Variants in HMBOX1 observed in about 807,000 individuals in gnomAD.
HMBOX1 encodes homeobox containing 1.
HMBOX1 carries 14 observed loss-of-function variants against 54.5 expected under a neutral mutation model. The ratio of observed to expected loss-of-function variants is 0.26; its 90% CI spans 0.17 to 0.40. The LOEUF (loss-of-function observed/expected upper bound fraction) is 0.40, where lower values mean the gene tolerates loss of function less well. Ranked by LOEUF, HMBOX1 falls within the 10% of genes least tolerant of loss-of-function variation. The probability of loss-of-function intolerance (pLI) is 1.00; values close to 1 mark genes in which losing one functional copy is unlikely to be tolerated. For missense variants in HMBOX1, 332 were observed against 514.4 expected (o/e 0.65, Z 3.43); for synonymous variants, 160 against 181.0 (o/e 0.88, Z 0.93).
intron 5 of HMBOX1, among the ~76,000 whole-genome samples, chr8:29,013,018 AACT>A (rs1834406660): frequency 6.6e-6 from 1 of 152,236 alleles, no homozygotes; most frequent in African/African-American, 2.4e-5. Context: ...CAAAATGAAA[AACT>A]ACTTTTTCTT....
At chr8:28,927,159 A>G (rs2131855532) in intron 1 of HMBOX1, among the ~76,000 whole-genome samples, 1 of 145,236 alleles carries the variant, frequency 6.9e-6, no homozygotes, top group Non-Finnish European at 1.5e-5. Flanking sequence ...AATACAAAGG[A>G]TAAAATGCTT....
At chr8:28,936,545 A>T (rs554296449) in intron 1 of HMBOX1, among the ~76,000 whole-genome samples, 2 of 152,088 alleles carry the variant, frequency 1.3e-5, no homozygotes, top group African/African-American at 4.8e-5. Flanking sequence ...GTAATTATCC[A>T]CTGTGAGAAA....
At chr8:29,041,368 T>G (rs1240084813) in intron 6 of HMBOX1, among the ~76,000 whole-genome samples, 1 of 152,212 alleles carries the variant, frequency 6.6e-6, no homozygotes, top group Non-Finnish European at 1.5e-5. Context: ...GCAGTTCATT[T>G]ACTGTGAGAT....
intron 1 of HMBOX1, among the ~76,000 whole-genome samples, chr8:28,959,378 A>G (rs919163341): frequency 6.6e-6 from 1 of 152,164 alleles, no homozygotes; most frequent in African/African-American, 2.4e-5. Flanking sequence ...GGATGCCCTG[A>G]AGGAGGAGCA....
chr8:28,970,944 G>A lies in HMBOX1; in HGVS notation c.500+425G>A, dbSNP rs1827276683. On this transcript the variant is annotated intron_variant, in intron 3 of 9. Coordinates refer to ENST00000287701, the MANE Select transcript of HMBOX1 (RefSeq NM_001135726.3). This position sits in a 1 kb window ranked among gnomAD's most constrained non-coding sequence, Gnocchi z 4.3. The stretch of plus-strand genomic sequence containing the variant: ...CATTCCAATCAAGAAAATAATTTGG[G>A]GTACCTATTATATAGGTTCTAATTT... 6.8e-6 allele frequency among the ~76,000 whole-genome samples: 1 copy of A among 147,320 alleles called. No homozygotes were observed. The highest frequency in any genetic ancestry group is 1.5e-5 in the Non-Finnish European group (1 of 67,220).
intron 1 of HMBOX1, among the ~76,000 whole-genome samples, chr8:28,945,153 T>G (rs530280799): frequency 6.6e-6 from 1 of 152,358 alleles, no homozygotes; most frequent in Non-Finnish European, 1.5e-5. Flanking sequence ...AGGTTAATGC[T>G]TCAAACTTTC....
At chr8:28,941,082 C>T (rs191421184) in intron 1 of HMBOX1, among the ~76,000 whole-genome samples, 44 of 152,214 alleles carry the variant, frequency 2.9e-4, no homozygotes, top group Admixed American at 2.7e-3. Context: ...TTGTGAAAAG[C>T]ATGTAAAGAA....
At chr8:28,906,029 A>G (rs986513933) in intron 1 of HMBOX1, among the ~76,000 whole-genome samples, 4 of 152,192 alleles carry the variant, frequency 2.6e-5, no homozygotes, top group African/African-American at 7.2e-5. Flanking sequence ...GCCTAATAAA[A>G]GTGATGTTAT....
At chr8:28,992,600 GT>G (rs1831146678) in intron 4 of HMBOX1, among the ~76,000 whole-genome samples, 1 of 152,088 alleles carries the variant, frequency 6.6e-6, no homozygotes, top group Non-Finnish European at 1.5e-5. Context: ...GCTGGGCGCG[GT>G]GGCTCATGCC....
rs1827218075 is a variant in HMBOX1 at position 28,970,604 on chromosome 8, T to C, written c.500+85T>C. 1.2e-6 allele frequency: 1 copy of C among 824,374 alleles called. No individual in the cohort carries two copies. The highest frequency in any genetic ancestry group is 1.7e-5 in the South Asian group (1 of 58,052). The allele number at this position is 824,374 out of a possible 1,614,324, so 51.1% of individuals were successfully genotyped here. A position where few individuals can be genotyped will look rare whatever the true frequency, so the allele number is the denominator to read the frequency against. On this transcript the variant is annotated intron_variant, in intron 3 of 9. Transcript: ENST00000287701. The surrounding 1 kb of genome is among the most constrained non-coding windows in gnomAD (Gnocchi z 4.3). ...AGTAGTATGCTGCGTTTCAGCTACT[T>C]AGCTATAAGAACTGTAACTTCCTCT... is the stretch of plus-strand genomic sequence containing the variant.
At chr8:28,924,234 G>A (rs1261644659) in intron 1 of HMBOX1, among the ~76,000 whole-genome samples, 2 of 151,428 alleles carry the variant, frequency 1.3e-5, no homozygotes, top group Non-Finnish European at 2.9e-5. Flanking sequence ...AGCCTCCCGA[G>A]TAGCTGGGAC....
At chr8:29,025,112 C>T (rs1286351457) in intron 6 of HMBOX1, among the ~76,000 whole-genome samples, 1 of 151,840 alleles carries the variant, frequency 6.6e-6, no homozygotes, top group Non-Finnish European at 1.5e-5. Context: ...TGCTGAGGGT[C>T]TAAGCTATAT....
chr8:28,969,903 A>G (rs1432009898), intron 2 of HMBOX1, 140 bp from the exon 3 acceptor site: 9 of 626,296 alleles, frequency 1.4e-5, no homozygotes, highest in South Asian at 4.0e-5. Flanking sequence ...CCATGGCACA[A>G]TCATTCTAGC....
At chr8:29,011,572 T>C (rs1034585265) in intron 5 of HMBOX1, among the ~76,000 whole-genome samples, 1 of 152,172 alleles carries the variant, frequency 6.6e-6, no homozygotes, top group Non-Finnish European at 1.5e-5. Context: ...AGTCCAGCCC[T>C]GAACTAGAAA....
At chr8:28,914,152 G>C (rs1816059953) in intron 1 of HMBOX1, among the ~76,000 whole-genome samples, 2 of 152,132 alleles carry the variant, frequency 1.3e-5, no homozygotes. Context: ...ACAGGCGTGA[G>C]CTACCGTGCC....
intron 3 of HMBOX1, among the ~76,000 whole-genome samples, chr8:28,975,814 T>C (rs1182737279): frequency 6.6e-6 from 1 of 150,680 alleles, no homozygotes; most frequent in Non-Finnish European, 1.5e-5. Flanking sequence ...AAATTGCAGA[T>C]GAAGAGAGGA....
At chr8:29,011,729 T>A (rs1834250041) in intron 5 of HMBOX1, among the ~76,000 whole-genome samples, 1 of 151,428 alleles carries the variant, frequency 6.6e-6, no homozygotes, top group Non-Finnish European at 1.5e-5. Context: ...TTTTTTAAAT[T>A]ATTGTTATTT....
intron 1 of HMBOX1, among the ~76,000 whole-genome samples, chr8:28,927,408 C>T (rs1032495264): frequency 1.3e-5 from 2 of 152,104 alleles, no homozygotes; most frequent in African/African-American, 4.8e-5. Flanking sequence ...CATGGTTCTG[C>T]AGGCTATACA....
intron 6 of HMBOX1, among the ~76,000 whole-genome samples, chr8:29,040,726 A>ATTGAATCAATTCT (rs1804690263): frequency 6.6e-6 from 1 of 152,180 alleles, no homozygotes; most frequent in Admixed American, 6.5e-5. Context: ...ATTTAAAACC[A>ATTGAATCAATTCT]TATTGAATCA....
Sources: gnomAD v4.1 joint callset for allele counts (sites outside exome capture counted in the v4.1 genomes callset) on GRCh38, gnomAD v4.1.1 for gene constraint, Gnocchi (gnomAD v3.1) non-coding constraint, MANE v1.5 for transcripts, NCBI Gene and HGNC (gene_info 2026-07-23, HGNC 2026-07-21) for gene names.